OPCML: variants seen among roughly 807,000 people sequenced by gnomAD.
The protein encoded by OPCML is opioid-binding protein/cell adhesion molecule.
Under a neutral mutation model 37.8 loss-of-function variants are expected in OPCML, and 13 were observed. The observed-to-expected ratio is 0.34, with a 90% CI of 0.22 to 0.55. The LOEUF is 0.55. OPCML is among the 20% of genes least tolerant of loss of function. The pLI is 0.91. For synonymous variants in OPCML, 176 were observed against 168.8 expected, an observed-to-expected ratio of 1.04 and a Z score of -0.33; for missense variants, 341 against 435.6, an observed-to-expected ratio of 0.78 and a Z score of 1.93.
chr11:133,217,725 G>A (rs1196226426), intron 1 of OPCML, among the ~76,000 whole-genome samples: 1 of 152,146 alleles, frequency 6.6e-6, no homozygotes, highest in African/African-American at 2.4e-5. Context: ...TCATTGCTGG[G>A]CAGATTTCAT....
intron 4 of OPCML, among the ~76,000 whole-genome samples, chr11:132,511,251 A>G (rs2096268254): frequency 6.6e-6 from 1 of 152,140 alleles, no homozygotes; most frequent in South Asian, 2.1e-4. Flanking sequence ...ACTGAAAGCC[A>G]TAAAACACTG....
chr11:132,420,553 G>A (rs1159547097), intron 7 of OPCML, among the ~76,000 whole-genome samples: 4 of 152,224 alleles, frequency 2.6e-5, no homozygotes, highest in African/African-American at 9.6e-5. Context: ...AGTCATTGAG[G>A]CCCGTGGGCC....
chr11:132,472,777 C>G (rs1051199430), intron 4 of OPCML, among the ~76,000 whole-genome samples: 14 of 152,220 alleles, frequency 9.2e-5, no homozygotes, highest in African/African-American at 3.4e-4. Context: ...CTCTGTGCAT[C>G]GTCACTGCAG....
At chr11:133,420,333 TA>T in intron 1 of OPCML, 1 of 985,498 alleles carries the variant, frequency 1.0e-6, no homozygotes. Flanking sequence ...AGATCCTTTT[TA>T]GATATCCTTT....
intron 1 of OPCML, among the ~76,000 whole-genome samples, chr11:132,999,468 T>G (rs1413843579): frequency 6.6e-6 from 1 of 151,832 alleles, no homozygotes; most frequent in Non-Finnish European, 1.5e-5. Flanking sequence ...AGATAAAGTT[T>G]AATATATTGA....
At chr11:133,384,095 A>G (rs1471647981) in intron 1 of OPCML, among the ~76,000 whole-genome samples, 2 of 151,926 alleles carry the variant, frequency 1.3e-5, no homozygotes, top group African/African-American at 4.8e-5. Flanking sequence ...ACAGATACAT[A>G]CGCCTGTGTT....
chr11:132,795,137 A>G (rs1406166278), intron 2 of OPCML, among the ~76,000 whole-genome samples: 1 of 152,088 alleles, frequency 6.6e-6, no homozygotes, highest in South Asian at 2.1e-4. Flanking sequence ...CACACATTCA[A>G]AGATCCGAGG....
intron 1 of OPCML, among the ~76,000 whole-genome samples, chr11:133,221,890 A>T (rs1939847003): frequency 6.6e-6 from 1 of 152,200 alleles, no homozygotes; most frequent in Non-Finnish European, 1.5e-5. Context: ...AGCAGACACC[A>T]AGGATCAGGA....
intron 1 of OPCML, among the ~76,000 whole-genome samples, chr11:133,090,732 A>G (rs1194929428): frequency 2.6e-5 from 4 of 152,182 alleles, no homozygotes; most frequent in African/African-American, 9.7e-5. Context: ...ATATGAGAAG[A>G]AAGAAATGAA....
At chr11:132,788,512 G>C (rs974982099) in intron 2 of OPCML, among the ~76,000 whole-genome samples, 1 of 151,956 alleles carries the variant, frequency 6.6e-6, no homozygotes, top group Non-Finnish European at 1.5e-5. Flanking sequence ...CCTCTTCCTC[G>C]AGATACCTGT....
chr11:133,085,579 G>T lies in OPCML; in HGVS notation c.62-142569C>A, dbSNP rs77817867. ...CTAGCAATTAACTAAGAAGGCAGTG[G>T]TGTAGCCTGATGAATGTAATTTATA... On this transcript the variant is annotated intron_variant, in intron 1 of 7. Coordinates refer to ENST00000524381, the MANE Select transcript of OPCML (RefSeq NM_001012393.5). 1.3e-4 allele frequency among the ~76,000 whole-genome samples: 20 copies of T among 152,342 alleles called. No individual in the cohort carries two copies. In the East Asian group the frequency reaches 3.9e-3, roughly 29 times the overall value.
intron 1 of OPCML, among the ~76,000 whole-genome samples, chr11:133,430,631 C>G (rs1471893032): frequency 6.6e-6 from 1 of 152,044 alleles, no homozygotes; most frequent in Non-Finnish European, 1.5e-5. Context: ...GAATACATGA[C>G]ACAAATATAT....
intron 1 of OPCML, among the ~76,000 whole-genome samples, chr11:133,060,692 C>G (rs1218488837): frequency 6.6e-6 from 1 of 152,214 alleles, no homozygotes; most frequent in Non-Finnish European, 1.5e-5. Context: ...CAAGATTCTA[C>G]GTTTTCCTGA....
chr11:133,189,665 T>A (rs886111231), intron 1 of OPCML, among the ~76,000 whole-genome samples: 2 of 152,184 alleles, frequency 1.3e-5, no homozygotes, highest in Admixed American at 6.5e-5. Flanking sequence ...ATTCCCTATA[T>A]GAAACTCCCT....
chr11:132,528,109 C>T (rs547177875), intron 4 of OPCML, among the ~76,000 whole-genome samples: 1 of 152,210 alleles, frequency 6.6e-6, no homozygotes, highest in Admixed American at 6.5e-5. Context: ...TTAAATCACA[C>T]AGTTTTGAGT....
intron 2 of OPCML, among the ~76,000 whole-genome samples, chr11:132,941,009 G>T (rs1419465739): frequency 6.6e-6 from 1 of 150,494 alleles, no homozygotes; most frequent in African/African-American, 2.5e-5. Context: ...TGATACATGT[G>T]CTTACTTAAA....
At chr11:133,077,383 C>T (rs1045554193) in intron 1 of OPCML, among the ~76,000 whole-genome samples, 1 of 152,050 alleles carries the variant, frequency 6.6e-6, no homozygotes, top group Non-Finnish European at 1.5e-5. Context: ...GGAAAGCAAT[C>T]TGAAATCAAG....
At chr11:132,447,541 C>T (rs1214449786) in intron 4 of OPCML, among the ~76,000 whole-genome samples, 4 of 151,800 alleles carry the variant, frequency 2.6e-5, no homozygotes, top group African/African-American at 9.7e-5. Flanking sequence ...AACTCCTGAG[C>T]TCAGTCAATC....
At chr11:132,624,975 C>A (rs950238093) in intron 3 of OPCML, among the ~76,000 whole-genome samples, 7 of 152,042 alleles carry the variant, frequency 4.6e-5, no homozygotes, top group Non-Finnish European at 1.0e-4. Flanking sequence ...GGCAACTGTA[C>A]CCCCAGCCAG....
Sources: gnomAD v4.1 joint callset for allele counts (sites outside exome capture counted in the v4.1 genomes callset) on GRCh38, gnomAD v4.1.1 for gene constraint, MANE v1.5 for transcripts, NCBI Gene and HGNC (gene_info 2026-07-23, HGNC 2026-07-21) for gene names.